Variants in WSCD2 observed in about 807,000 individuals in gnomAD.
The protein encoded by WSCD2 is sialate:O-sulfotransferase 2.
WSCD2 carries 28 observed loss-of-function variants against 55.7 expected under a neutral mutation model. That is an observed-to-expected ratio of 0.50 (90% CI 0.37 to 0.69). WSCD2 has a LOEUF of 0.69. Ranked by LOEUF, WSCD2 falls within the 30% of genes least tolerant of loss-of-function variation. The pLI is 0.00. For synonymous variants in WSCD2, 301 were observed against 301.9 expected (o/e 1.00, Z 0.03); for missense variants, 616 against 762.1 (o/e 0.81, Z 2.26).
intron 1 of WSCD2, among the ~76,000 whole-genome samples, chr12:108,175,640 G>A (rs1256497038): frequency 2.0e-5 from 3 of 152,156 alleles, no homozygotes; most frequent in Non-Finnish European, 4.4e-5. Context: ...ATGGGATGAG[G>A]GGCGTGTGGG....
intron 7 of WSCD2, among the ~76,000 whole-genome samples, chr12:108,235,006 C>T (rs1889140220): frequency 6.6e-6 from 1 of 152,068 alleles, no homozygotes; most frequent in Admixed American, 6.6e-5. Context: ...CAAGTATTCG[C>T]CATCTGATCT....
rs1875247436 is a variant in WSCD2 at position 108,129,450 on chromosome 12, G to A, written c.-1028G>A. On this transcript the variant is annotated 5_prime_UTR_variant, in exon 1 of 9. Transcript: ENST00000547525. ...CCGAGCCGCAGCCGGTGCCCTGCGC[G>A]CACCGGGCCCGGGCATCTCCATCCC... 6.6e-6 allele frequency: 1 copy of A among 151,524 alleles called. No individual in the cohort carries two copies. Among genetic ancestry groups the A allele is most frequent in the Non-Finnish European group, 1.5e-5 (1 of 67,814 alleles). 9.4% of individuals were successfully genotyped at this position (151,524 alleles called of 1,614,324 possible). A position where few individuals can be genotyped will look rare whatever the true frequency, so the allele number is the denominator to read the frequency against.
chr12:108,226,523 C>T (rs145536005), intron 5 of WSCD2, among the ~76,000 whole-genome samples: 1 of 152,084 alleles, frequency 6.6e-6, no homozygotes, highest in African/African-American at 2.4e-5. Flanking sequence ...GAGAAAGCTT[C>T]GTTTCAGTGT....
intron 3 of WSCD2, among the ~76,000 whole-genome samples, chr12:108,206,989 T>C (rs1885469141): frequency 6.6e-6 from 1 of 152,210 alleles, no homozygotes; most frequent in Non-Finnish European, 1.5e-5. Context: ...ATATATAAAC[T>C]CCTTGTTTTT....
chr12:108,169,746 T>C (rs1880031707), intron 1 of WSCD2, among the ~76,000 whole-genome samples: 1 of 152,032 alleles, frequency 6.6e-6, no homozygotes, highest in Admixed American at 6.6e-5. Context: ...TCCAGGGTCA[T>C]GGTTGGAGGA....
In WSCD2 at chr12:108,248,618, G is replaced by A. The variant is rs771078937; in HGVS notation, c.*275G>A. 1.3e-5 allele frequency: 16 copies of A among 1,205,120 alleles called. No individual in the cohort carries two copies. The highest frequency in any genetic ancestry group is 3.1e-6 in the Non-Finnish European group (3 of 963,978). The allele number at this position is 1,205,120 out of a possible 1,614,324, so 74.7% of individuals were successfully genotyped here. A position where few individuals can be genotyped will look rare whatever the true frequency, so the allele number is the denominator to read the frequency against. ...TTACATGGACTCTTTTCTGTCTCCT[G>A]GGTCCCTGCCCCCACCACTCTGGGT... is the stretch of plus-strand genomic sequence containing the variant. On this transcript the variant is annotated 3_prime_UTR_variant, in exon 9 of 9. Transcript: ENST00000547525. This position sits in a 1 kb window ranked among gnomAD's most constrained non-coding sequence, Gnocchi z 4.3.
rs780512799 is a variant in WSCD2, at chr12:108,136,127, G to A, written c.-552+6201G>A. On this transcript the variant is annotated intron_variant, in intron 1 of 8. Coordinates refer to ENST00000547525, the MANE Select transcript of WSCD2 (RefSeq NM_014653.4). ...CATCCACAGGTGAGGCATCTGAAGG[G>A]TCAGAAGAGGTGCAGTAACTCCAGA... is the stretch of plus-strand genomic sequence containing the variant. 2.2e-4 allele frequency among the ~76,000 whole-genome samples: 33 copies of A among 152,330 alleles called. 1 individual carries two copies. Among genetic ancestry groups the A allele is most frequent in the Middle Eastern group, 3.4e-3 (1 of 294 alleles).
At position 108,151,386 on chromosome 12, in the gene WSCD2, C is replaced by T. The variant is rs185122197; in HGVS notation, c.-552+21460C>T. Among the ~76,000 whole-genome samples the T allele has an allele frequency of 2.6e-3, 401 of 152,150 alleles. 4 individuals carry two copies. Among genetic ancestry groups the T allele is most frequent in the African/African-American group, 9.2e-3 (383 of 41,514 alleles). ...CAGGTGGAGAGGGGGAAAAATTGGCCCCAGTTAAGAACCACTGGTTTGGGC... is the reference window on the plus strand; with the variant it reads ...CAGGTGGAGAGGGGGAAAAATTGGCTCCAGTTAAGAACCACTGGTTTGGGC... On this transcript the variant is annotated intron_variant, in intron 1 of 8. Coordinates refer to ENST00000547525, the MANE Select transcript of WSCD2 (RefSeq NM_014653.4).
At chr12:108,244,462 A>G (rs1889952959) in intron 8 of WSCD2, 2 of 701,508 alleles carry the variant, frequency 2.9e-6, no homozygotes, top group East Asian at 2.7e-5. Flanking sequence ...AGGAGGACAA[A>G]TAGCATCGTG....
At chr12:108,172,073 G>T (rs1426353) in intron 1 of WSCD2, among the ~76,000 whole-genome samples, 4,511 of 152,192 alleles carry the variant, frequency 0.03, 226 homozygotes, top group African/African-American at 0.1. Flanking sequence ...AATCCTGAGG[G>T]GTCCCTTGGA....
At chr12:108,179,058 C>A (rs545812070) in intron 1 of WSCD2, among the ~76,000 whole-genome samples, 2 of 152,314 alleles carry the variant, frequency 1.3e-5, no homozygotes, top group East Asian at 3.9e-4. Flanking sequence ...CAAGGTCCAC[C>A]TGTCCCCTCA....
At chr12:108,199,773 A>G (rs1406483657) in intron 2 of WSCD2, among the ~76,000 whole-genome samples, 11 of 152,178 alleles carry the variant, frequency 7.2e-5, no homozygotes, top group Admixed American at 7.2e-4. Flanking sequence ...GAAGTTAAGT[A>G]ACTTGCCCAA....
intron 1 of WSCD2, among the ~76,000 whole-genome samples, chr12:108,171,214 A>G (rs535960262): frequency 8.7e-4 from 133 of 152,354 alleles, no homozygotes; most frequent in Non-Finnish European, 1.6e-3. Flanking sequence ...ACATCTGCAT[A>G]AAAATCCACG....
intron 1 of WSCD2, among the ~76,000 whole-genome samples, chr12:108,163,163 T>A (rs528616704): frequency 1.3e-5 from 2 of 152,276 alleles, no homozygotes; most frequent in East Asian, 3.9e-4. Flanking sequence ...GTAAAAAGTC[T>A]ATACCATCCT....
At chr12:108,191,565 T>C (rs575706972) in intron 1 of WSCD2, among the ~76,000 whole-genome samples, 1 of 152,346 alleles carries the variant, frequency 6.6e-6, no homozygotes, top group African/African-American at 2.4e-5. Context: ...TCTCCAAGGC[T>C]GTCACCTGAG....
At chr12:108,215,045 G>C (rs777384825) in intron 4 of WSCD2, among the ~76,000 whole-genome samples, 1 of 152,222 alleles carries the variant, frequency 6.6e-6, no homozygotes, top group Non-Finnish European at 1.5e-5. Context: ...TTCCTTCTTT[G>C]CTAGACCTGG....
rs995528693 is a variant in WSCD2 at position 108,250,257 on chromosome 12, CAGAG to C, written c.*1922_*1925del. The stretch of plus-strand genomic sequence containing the variant: ...AGAGAGGCAGAGAGGCATAGAGAGA[CAGAG>C]AGAGAGACAAGAAACAGAGATAGAC... On this transcript the variant is annotated 3_prime_UTR_variant, in exon 9 of 9. Transcript: ENST00000547525. 1 of 148,378 alleles carries C rather than the reference CAGAG, an allele frequency of 6.7e-6. No homozygotes were observed. The highest frequency in any genetic ancestry group is 1.5e-5 in the Non-Finnish European group (1 of 66,936). The allele number at this position is 148,378 out of a possible 1,614,324, so 9.2% of individuals were successfully genotyped here. A position where few individuals can be genotyped will look rare whatever the true frequency, so the allele number is the denominator to read the frequency against.
In WSCD2 at chr12:108,192,602, C is replaced by T. The variant is rs561067276; in HGVS notation, c.-551-2680C>T. 4.6e-5 allele frequency among the ~76,000 whole-genome samples: 7 copies of T among 152,332 alleles called. No homozygotes were observed. The East Asian group carries it at 1.3e-3, about 29-fold the overall frequency. ...TCCTGAGCTTGGCATCCAAGGCTTC[C>T]CATGGTCTGGCTCCTGCCCACTGCT... On this transcript the variant is annotated intron_variant, in intron 1 of 8. Coordinates refer to ENST00000547525, the MANE Select transcript of WSCD2 (RefSeq NM_014653.4).
chr12:108,180,066 AAG>A (rs1881505678), intron 1 of WSCD2, among the ~76,000 whole-genome samples: 1 of 150,924 alleles, frequency 6.6e-6, no homozygotes, highest in African/African-American at 2.4e-5. Context: ...AAAAAAAAAA[AAG>A]AAAAAGAAAA....
Sources: allele counts gnomAD v4.1 joint callset (sites outside exome capture counted in the v4.1 genomes callset), GRCh38; gene constraint gnomAD v4.1.1; non-coding constraint Gnocchi (gnomAD v3.1); transcripts MANE v1.5; gene names NCBI Gene and HGNC (gene_info 2026-07-23, HGNC 2026-07-21).